The following HTR3E variants were observed in gnomAD, a reference collection of about 807,000 sequenced individuals.
HTR3E encodes the protein 5-hydroxytryptamine (serotonin) receptor 3, family member E.
Under a neutral mutation model 38.0 loss-of-function variants are expected in HTR3E, and 38 were observed. The ratio of observed to expected loss-of-function variants is 1.00; its 90% CI spans 0.77 to 1.31. The LOEUF (loss-of-function observed/expected upper bound fraction) is 1.31, where lower values mean the gene tolerates loss of function less well. HTR3E is among the 50% of genes most tolerant of loss of function. The pLI is 0.00. For missense variants in HTR3E, 547 were observed against 585.2 expected (o/e 0.93, Z 0.67); for synonymous variants, 210 against 232.9 (o/e 0.90, Z 0.89).
rs184749007 is a variant in HTR3E, at chr3:184,106,343, G to T, written c.1141G>T (p.Gly381Cys). The T allele has an allele frequency of 6.2e-7, 1 of 1,606,494 alleles. No individual in the cohort carries two copies. The highest frequency in any genetic ancestry group is 1.3e-5 in the African/African-American group (1 of 74,692). Residue 381 changes from glycine (G) to cysteine (C), a missense_variant and splice_region_variant, in exon 8 of 9, where the codon GGT becomes TGT. Physicochemically the swap from Gly to Cys is radical, Grantham distance 159. Transcript: ENST00000415389. The surrounding 1 kb of genome is among the most constrained non-coding windows in gnomAD (Gnocchi z 4.1). ...GGGTCTCACCCCCACCCACCTGCCC[G>T]GTGAGGGAAGTCACATTCCTCTTCC... is the stretch of plus-strand genomic sequence containing the variant. ...GPGLTPTHLP[G>C]VKEPEVSAGQ...
chr3:184,101,575 G>C, intron 3 of HTR3E, 46 bp downstream of exon 3: 1 of 1,421,062 alleles, frequency 7.0e-7, no homozygotes, highest in South Asian at 1.2e-5. Context: ...AGTCAAAAAG[G>C]ATTTTAAACG....
intron 3 of HTR3E, among the ~76,000 whole-genome samples, chr3:184,102,432 G>A (rs1378548974): frequency 6.9e-6 from 1 of 144,722 alleles, no homozygotes; most frequent in Non-Finnish European, 1.5e-5. Context: ...CCACTGCACT[G>A]TAGCCTGGGC....
At position 184,105,732 on chromosome 3, in the gene HTR3E, ATAAC is replaced by A. The variant is rs758283179; in HGVS notation, c.721-30_721-27del. ...TGGATTTGAGGGTTCCTCTGACCCC[ATAAC>A]TACTTACCACCCTCTCCTACCCCAC... On this transcript the variant is annotated intron_variant, in intron 6 of 8. Coordinates refer to ENST00000415389, the MANE Select transcript of HTR3E (RefSeq NM_001256613.2). 1.2e-5 allele frequency: 18 copies of A among 1,548,740 alleles called. No individual in the cohort carries two copies. In the African/African-American group the frequency reaches 2.4e-4, roughly 21 times the overall value.
chr3:184,104,815 C>A lies in HTR3E; in HGVS notation c.418C>A (p.Leu140Ile). 1 of 1,613,730 alleles carries A rather than the reference C, an allele frequency of 6.2e-7. No individual in the cohort carries two copies. The highest frequency in any genetic ancestry group is 8.5e-7 in the Non-Finnish European group (1 of 1,179,930). ...LMDVDKTPKGLTAYVSNEGRI... is the reference protein window; with the variant it reads ...LMDVDKTPKGITAYVSNEGRI... ...GGATGTGGATAAGACCCCAAAAGGC[C>A]TCACAGCATATGTAAGTAATGAAGG... Residue 140 changes from leucine (L) to isoleucine (I), a missense_variant, in exon 5 of 9, where the codon CTC becomes ATC. Leu to Ile is a conservative substitution (Grantham distance 5). Coordinates refer to ENST00000415389, the MANE Select transcript of HTR3E (RefSeq NM_001256613.2).
chr3:184,100,531 C>T lies in HTR3E; in HGVS notation c.114C>T (p.His38=), dbSNP rs1451446104. 3.1e-6 allele frequency: 5 copies of T among 1,614,020 alleles called. No individual in the cohort carries two copies. Among genetic ancestry groups the T allele is most frequent in the Middle Eastern group, 1.6e-4 (1 of 6,084 alleles). Residue 38 remains histidine, a synonymous_variant, in exon 2 of 9, where the codon CAC becomes CAT. Transcript: ENST00000415389. The part of the protein sequence containing the change: ...FTINCSGFGQ[H]GADPTALNSV... Reference sequence around the variant, plus strand: ...TCAATTGCTCAGGGTTTGGCCAGCACGGGGCGGATCCCACTGCTCTGAATT... The same window carrying T: ...TCAATTGCTCAGGGTTTGGCCAGCATGGGGCGGATCCCACTGCTCTGAATT...
rs1199906102 is a variant in HTR3E, at chr3:184,106,650, T to C, written c.1328T>C (p.Met443Thr). The part of the protein sequence containing the change: ...AMLFRLYLLF[M>T]ASSIITVICL... ...CTCTTCCGCCTCTACCTGCTCTTCA[T>C]GGCCTCCTCTATCATCACCGTCATA... Residue 443 changes from methionine to threonine, a missense_variant, in exon 9 of 9, where the codon ATG (methionine) becomes ACG (threonine). Physicochemically the swap from Met to Thr is moderately conservative, Grantham distance 81. Coordinates refer to ENST00000415389, the MANE Select transcript of HTR3E (RefSeq NM_001256613.2). The surrounding 1 kb of genome is among the most constrained non-coding windows in gnomAD (Gnocchi z 4.1). The C allele has an allele frequency of 1.2e-6, 2 of 1,614,184 alleles. No individual in the cohort carries two copies. The highest frequency in any genetic ancestry group is 1.7e-6 in the Non-Finnish European group (2 of 1,180,018).
Position 184,101,594 on chromosome 3 carries a change from A to G in HTR3E, c.279+65A>G. 3 of 1,314,492 alleles carry G rather than the reference A, an allele frequency of 2.3e-6. No homozygotes were observed. The South Asian group carries it at 3.6e-5, about 16-fold the overall frequency. 81.4% of individuals were successfully genotyped at this position (1,314,492 alleles called of 1,614,324 possible). On this transcript the variant is annotated intron_variant, in intron 3 of 8. Transcript: ENST00000415389. ...AAAAAGGATTTTAAACGAAGATATA[A>G]TAATTATGAATTTTTATGTCCCTAA...
At chr3:184,098,516 A>T (rs750068949) in intron 1 of HTR3E, among the ~76,000 whole-genome samples, 1 of 152,214 alleles carries the variant, frequency 6.6e-6, no homozygotes, top group Non-Finnish European at 1.5e-5. Flanking sequence ...CACCTGGTCT[A>T]GGCAGTGTAA....
chr3:184,101,468 G>C lies in HTR3E; in HGVS notation c.235-17G>C. 1 of 1,612,792 alleles carries C rather than the reference G, an allele frequency of 6.2e-7. No individual in the cohort carries two copies. The highest frequency in any genetic ancestry group is 8.5e-7 in the Non-Finnish European group (1 of 1,178,822). On this transcript the variant is annotated splice_polypyrimidine_tract_variant and intron_variant, in intron 2 of 8. Coordinates refer to ENST00000415389, the MANE Select transcript of HTR3E (RefSeq NM_001256613.2). ...TCTTACTGGCAACATGATGGAAATAGGAAATTCTTTTGGCAGAATGAACAG... is the reference window on the plus strand; with the variant it reads ...TCTTACTGGCAACATGATGGAAATACGAAATTCTTTTGGCAGAATGAACAG...
In HTR3E at chr3:184,106,181, A is replaced by G. The variant is rs1712437752; in HGVS notation, c.979A>G (p.Ile327Val). The change falls in exon 8 of 9, where the codon ATC (isoleucine) becomes GTC (valine). Residue 327 changes from isoleucine (I) to valine (V), a missense_variant. Physicochemically the swap from Ile to Val is conservative, Grantham distance 29 (BLOSUM62 3). Transcript: ENST00000415389. The surrounding 1 kb of genome is among the most constrained non-coding windows in gnomAD (Gnocchi z 4.1). Reference sequence around the variant, plus strand: ...GATGGTGGGCAGCCTGCTGGAGACCATCTTCATCACCCACCTGCTGCACGT... The same window carrying G: ...GATGGTGGGCAGCCTGCTGGAGACCGTCTTCATCACCCACCTGCTGCACGT... ...SLMVGSLLET[I>V]FITHLLHVAT... The G allele has an allele frequency of 6.2e-7, 1 of 1,612,506 alleles. No individual in the cohort carries two copies. The highest frequency in any genetic ancestry group is 2.0e-4 in the Middle Eastern group (1 of 5,102).
intron 1 of HTR3E, chr3:184,100,120 A>C: frequency 7.7e-7 from 1 of 1,300,740 alleles, no homozygotes. Context: ...TCCCCTCCCC[A>C]TTCTTCATCT....
rs1711713146 is a variant in HTR3E at position 184,097,284 on chromosome 3, C to T, written c.-246C>T. ...GATCTGCAAGTTGATCACGTATGAA[C>T]TATCTATAACCATTTACGTTGCAGT... On this transcript the variant is annotated 5_prime_UTR_variant, in exon 1 of 9. Transcript: ENST00000415389. 2.5e-6 allele frequency: 1 copy of T among 395,038 alleles called. No individual in the cohort carries two copies. The allele number at this position is 395,038 out of a possible 1,614,324, so 24.5% of individuals were successfully genotyped here.
Position 184,101,516 on chromosome 3 carries a change from T to G in HTR3E, c.266T>G (p.Leu89Arg). The change falls in exon 3 of 9, where the codon CTG (leucine) becomes CGG (arginine). Residue 89 changes from leucine (L) to arginine (R), a missense_variant. By Grantham distance (102) the Leu-to-Arg change is moderately radical. Transcript: ENST00000415389. ...CAGCTGCACCTCTTGTCATCATTCC[T>G]GTGGCTGGAAATGGTATGGACAACA... is the stretch of plus-strand genomic sequence containing the variant. ...NEQLHLLSSF[L>R]WLEMVWDNPF... 6.2e-7 allele frequency: 1 copy of G among 1,613,460 alleles called. No homozygotes were observed. Among genetic ancestry groups the G allele is most frequent in the Non-Finnish European group, 8.5e-7 (1 of 1,179,336 alleles).
At chr3:184,100,773 G>C in intron 2 of HTR3E, 122 bp downstream of exon 2, 1 of 1,392,046 alleles carries the variant, frequency 7.2e-7, no homozygotes, top group Non-Finnish European at 9.7e-7. Flanking sequence ...GATGGCATTT[G>C]CCTGGCATGG....
At chr3:184,105,167 C>A in intron 5 of HTR3E, 100 bp from the exon 6 acceptor site, 1 of 1,366,442 alleles carries the variant, frequency 7.3e-7, no homozygotes. Context: ...GTGGGAGGCA[C>A]TCAAAAATAT....
Position 184,100,536 on chromosome 3 carries a change from C to G in HTR3E, c.119C>G (p.Ala40Gly). 6.2e-7 allele frequency: 1 copy of G among 1,614,140 alleles called. No homozygotes were observed. The highest frequency in any genetic ancestry group is 8.5e-7 in the Non-Finnish European group (1 of 1,180,040). ...TGCTCAGGGTTTGGCCAGCACGGGG[C>G]GGATCCCACTGCTCTGAATTCAGTG... The part of the protein sequence containing the change: ...INCSGFGQHG[A>G]DPTALNSVFN... The change falls in exon 2 of 9, where the codon GCG (alanine) becomes GGG (glycine). Residue 40 changes from alanine to glycine, a missense_variant. By Grantham distance (60) the Ala-to-Gly change is moderately conservative. Transcript: ENST00000415389.
At chr3:184,100,350 GAC>G (rs757038511) in intron 1 of HTR3E, 133 bp from the exon 2 acceptor site, 1 of 1,605,402 alleles carries the variant, frequency 6.2e-7, no homozygotes, top group South Asian at 1.1e-5. Context: ...GAATATACCT[GAC>G]ACACAGCCAG....
At position 184,105,350 on chromosome 3, in the gene HTR3E, TGGGAGC is replaced by T; in HGVS notation, c.644_649del (p.Trp215_Leu217delinsPhe). 1 of 1,614,144 alleles carries T rather than the reference TGGGAGC, an allele frequency of 6.2e-7. No individual in the cohort carries two copies. ...GAACATCCTTCAGACCCATGGAGAA[TGGGAGC>T]TCCTGGGCCTCAGCAAGGCCACCGC... On this transcript the variant is annotated inframe_deletion, in exon 6 of 9. Transcript: ENST00000415389.
At chr3:184,103,031 T>C (rs552290779) in intron 3 of HTR3E, among the ~76,000 whole-genome samples, 1 of 152,322 alleles carries the variant, frequency 6.6e-6, no homozygotes, top group African/African-American at 2.4e-5. Context: ...AATTACGAAG[T>C]AATTAGAAAT....
Sources: allele counts gnomAD v4.1 joint callset (sites outside exome capture counted in the v4.1 genomes callset), GRCh38; gene constraint gnomAD v4.1.1; non-coding constraint Gnocchi (gnomAD v3.1); transcripts MANE v1.5; gene names NCBI Gene and HGNC (gene_info 2026-07-23, HGNC 2026-07-21).